Variants in LRRC4C observed in about 807,000 individuals in gnomAD.
LRRC4C encodes leucine rich repeat containing 4C, also known as leucine-rich repeat-containing protein 4C.
Under a neutral mutation model 33.6 loss-of-function variants are expected in LRRC4C, and 5 were observed. The observed-to-expected ratio is 0.15, with a 90% CI of 0.08 to 0.31. The LOEUF (loss-of-function observed/expected upper bound fraction) is 0.31, where lower values mean the gene tolerates loss of function less well. Among genes scored for constraint, LRRC4C ranks in the 10% least tolerant of loss-of-function variants. The pLI, the probability that LRRC4C is intolerant of heterozygous loss-of-function variation, is 1.00. For synonymous variants in LRRC4C, 329 were observed against 302.0 expected (o/e 1.09, Z -0.93); for missense variants, 560 against 796.7 (o/e 0.70, Z 3.58).
At chr11:40,970,347 G>A (rs1851644786) in intron 1 of LRRC4C, among the ~76,000 whole-genome samples, 1 of 152,072 alleles carries the variant, frequency 6.6e-6, no homozygotes, top group African/African-American at 2.4e-5. Context: ...TGGAGTTCTG[G>A]TTGTTTAAAA....
chr11:40,450,629 T>A (rs1042909781), intron 3 of LRRC4C, among the ~76,000 whole-genome samples: 4 of 152,058 alleles, frequency 2.6e-5, no homozygotes, highest in Non-Finnish European at 5.9e-5. Context: ...GCTTGGAGCC[T>A]GTTAGAAAGT....
chr11:41,372,092 G>A (rs1952770356), intron 1 of LRRC4C, among the ~76,000 whole-genome samples: 1 of 152,204 alleles, frequency 6.6e-6, no homozygotes, highest in South Asian at 2.1e-4. Context: ...AGCCAAGATC[G>A]TGCCACTGCA....
chr11:40,806,590 G>A (rs557233692), intron 2 of LRRC4C, among the ~76,000 whole-genome samples: 4 of 152,252 alleles, frequency 2.6e-5, no homozygotes, highest in African/African-American at 4.8e-5. Flanking sequence ...AACAAAACCT[G>A]CTATTGATGG....
At chr11:40,943,945 C>T (rs952339220) in intron 1 of LRRC4C, among the ~76,000 whole-genome samples, 1 of 152,114 alleles carries the variant, frequency 6.6e-6, no homozygotes, top group Non-Finnish European at 1.5e-5. Context: ...CATGTTCTGG[C>T]CCATTTCTCG....
chr11:40,916,724 A>G (rs1956978280), intron 2 of LRRC4C, among the ~76,000 whole-genome samples: 2 of 151,738 alleles, frequency 1.3e-5, no homozygotes, highest in South Asian at 4.1e-4. Flanking sequence ...AAATAAAAAT[A>G]AAAATAAAAA....
chr11:40,695,542 A>G (rs753324095), intron 2 of LRRC4C, among the ~76,000 whole-genome samples: 1 of 152,264 alleles, frequency 6.6e-6, no homozygotes, highest in African/African-American at 2.4e-5. Context: ...AACACAACAC[A>G]AAGTTATTAT....
chr11:40,646,471 A>G (rs771840492), intron 3 of LRRC4C, among the ~76,000 whole-genome samples: 1 of 152,178 alleles, frequency 6.6e-6, no homozygotes, highest in Non-Finnish European at 1.5e-5. Flanking sequence ...GGTCACCTAA[A>G]TGAGCCTTTT....
rs569596840 is a variant in LRRC4C at position 40,682,140 on chromosome 11, CAT to C, written c.-406-33864_-406-33863del. Among the ~76,000 whole-genome samples the C allele has an allele frequency of 3.0e-3, 457 of 151,954 alleles. 3 individuals carry two copies. The highest frequency in any genetic ancestry group is 0.011 in the African/African-American group (436 of 41,448). On this transcript the variant is annotated intron_variant, in intron 2 of 6. Transcript: ENST00000528697. ...CAAAAATTAGCCGGGCATGGTGGCA[CAT>C]GTCTTTAGTCCCAGCTACCCAGGAG...
chr11:40,251,345 TG>T (rs1413051815), intron 4 of LRRC4C, among the ~76,000 whole-genome samples: 5 of 152,162 alleles, frequency 3.3e-5, no homozygotes, highest in African/African-American at 4.8e-5. Flanking sequence ...AACTGCTCAG[TG>T]GGTGAGGCAA....
At chr11:40,725,889 TG>T (rs758306884) in intron 2 of LRRC4C, among the ~76,000 whole-genome samples, 1 of 152,136 alleles carries the variant, frequency 6.6e-6, no homozygotes, top group Non-Finnish European at 1.5e-5. Flanking sequence ...AACTTCTGTT[TG>T]GCCTCCTGTT....
At chr11:41,017,037 G>T (rs1478074555) in intron 1 of LRRC4C, among the ~76,000 whole-genome samples, 1 of 152,096 alleles carries the variant, frequency 6.6e-6, no homozygotes, top group Non-Finnish European at 1.5e-5. Context: ...CCAGGGGTAG[G>T]ATCAGTTGAT....
chr11:41,109,129 T>A (rs976928442), intron 1 of LRRC4C, among the ~76,000 whole-genome samples: 2 of 152,098 alleles, frequency 1.3e-5, no homozygotes, highest in Non-Finnish European at 2.9e-5. Flanking sequence ...TTCTCTCCTA[T>A]CTTCATCCCT....
At chr11:40,845,390 G>A (rs971044126) in intron 2 of LRRC4C, among the ~76,000 whole-genome samples, 4 of 152,056 alleles carry the variant, frequency 2.6e-5, no homozygotes, top group Non-Finnish European at 4.4e-5. Context: ...CCACTTATGA[G>A]CGAGAACCTG....
At chr11:40,723,982 G>A (rs888824541) in intron 2 of LRRC4C, among the ~76,000 whole-genome samples, 72 of 151,456 alleles carry the variant, frequency 4.8e-4, no homozygotes, top group African/African-American at 1.5e-3. Context: ...AAAAACAGAA[G>A]TTAAACCAAC....
At chr11:41,026,256 A>G (rs528002069) in intron 1 of LRRC4C, among the ~76,000 whole-genome samples, 1 of 151,816 alleles carries the variant, frequency 6.6e-6, no homozygotes, top group South Asian at 2.1e-4. Flanking sequence ...AAATATCAAC[A>G]TTAACAGGAG....
chr11:40,541,857 C>G (rs1016430588), intron 3 of LRRC4C, among the ~76,000 whole-genome samples: 1 of 152,020 alleles, frequency 6.6e-6, no homozygotes, highest in Non-Finnish European at 1.5e-5. Flanking sequence ...AAAATCAACC[C>G]TGCAATTTTC....
rs556378473 is a variant in LRRC4C at position 40,612,045 on chromosome 11, T to TA, written c.-270+36096dup. On this transcript the variant is annotated intron_variant, in intron 3 of 6. Transcript: ENST00000528697. ...CCAAAATCCCATTTCTGAGTATTTC[T>TA]AAAAAATATTTGAAATCAGGATCTC... Among the ~76,000 whole-genome samples the TA allele has an allele frequency of 6.4e-3, 973 of 151,880 alleles. 12 individuals carry two copies. Among genetic ancestry groups the TA allele is most frequent in the African/African-American group, 0.022 (901 of 41,524 alleles).
intron 2 of LRRC4C, among the ~76,000 whole-genome samples, chr11:40,772,830 T>C (rs1158486945): frequency 6.6e-6 from 1 of 152,166 alleles, no homozygotes; most frequent in Admixed American, 6.5e-5. Context: ...TACCATATGA[T>C]TCAGCCATCC....
intron 5 of LRRC4C, among the ~76,000 whole-genome samples, chr11:40,175,812 G>A (rs1049516273): frequency 1.3e-5 from 2 of 152,224 alleles, no homozygotes; most frequent in Non-Finnish European, 2.9e-5. Flanking sequence ...GGTTTGACAT[G>A]TTCCCATCTT....
Sources: gnomAD v4.1 joint callset for allele counts (sites outside exome capture counted in the v4.1 genomes callset) on GRCh38, gnomAD v4.1.1 for gene constraint, MANE v1.5 for transcripts, NCBI Gene and HGNC (gene_info 2026-07-23, HGNC 2026-07-21) for gene names.